DEPDC5: variants seen among roughly 807,000 people sequenced by gnomAD.
DEPDC5 encodes the protein DEP domain containing 5, GATOR1 subcomplex subunit.
DEPDC5 carries 73 observed loss-of-function variants against 217.3 expected under a neutral mutation model. That is an observed-to-expected ratio of 0.34 (90% CI 0.28 to 0.41). The LOEUF is 0.41. Ranked by LOEUF, DEPDC5 falls within the 10% of genes least tolerant of loss-of-function variation. DEPDC5 has a pLI of 1.00. For synonymous variants in DEPDC5, 733 were observed against 756.7 expected, an observed-to-expected ratio of 0.97 and a Z score of 0.51; for missense variants, 1,675 against 2,070.1, an observed-to-expected ratio of 0.81 and a Z score of 3.70.
chr22:31,876,629 C>G (rs1303137302), intron 37 of DEPDC5, among the ~76,000 whole-genome samples: 1 of 152,132 alleles, frequency 6.6e-6, no homozygotes, highest in Non-Finnish European at 1.5e-5. Context: ...GGGCTCCAGT[C>G]TGTGATTTAT....
chr22:31,818,189 G>A (rs981545814), intron 21 of DEPDC5, among the ~76,000 whole-genome samples: 2 of 152,158 alleles, frequency 1.3e-5, no homozygotes, highest in African/African-American at 4.8e-5. Context: ...CTACCATTGC[G>A]CCAGACAGGT....
At chr22:31,843,246 T>C in intron 28 of DEPDC5, 34 bp downstream of exon 28, 1 of 1,592,322 alleles carries the variant, frequency 6.3e-7, no homozygotes, top group South Asian at 1.1e-5. Context: ...CTTCAGTTAT[T>C]GTCCTGAATT....
chr22:31,874,179 T>C (rs1248084507), intron 35 of DEPDC5, 94 bp from the exon 36 acceptor site: 2 of 1,506,468 alleles, frequency 1.3e-6, no homozygotes, highest in African/African-American at 2.8e-5. Flanking sequence ...TATTAAATGC[T>C]CTAGTGGGAG....
chr22:31,764,942 T>C (rs905325395), intron 4 of DEPDC5, 33 bp from the exon 5 acceptor site: 19 of 1,539,286 alleles, frequency 1.2e-5, no homozygotes, highest in Admixed American at 5.0e-5. Flanking sequence ...TTTCAAAATA[T>C]GTTATCTGAG....
At chr22:31,902,499 T>A (rs2093669766) in intron 41 of DEPDC5, among the ~76,000 whole-genome samples, 1 of 150,080 alleles carries the variant, frequency 6.7e-6, no homozygotes, top group African/African-American at 2.4e-5. Context: ...GGCCCCAGCT[T>A]ACCTTAGACC....
At chr22:31,881,374 T>C (rs2093171725) in intron 38 of DEPDC5, among the ~76,000 whole-genome samples, 1 of 151,986 alleles carries the variant, frequency 6.6e-6, no homozygotes, top group African/African-American at 2.4e-5. Flanking sequence ...TGTTGCTGTG[T>C]GTGAGAAGTG....
At chr22:31,865,763 T>G (rs775524656) in intron 33 of DEPDC5, among the ~76,000 whole-genome samples, 2 of 152,208 alleles carry the variant, frequency 1.3e-5, no homozygotes, top group Non-Finnish European at 2.9e-5. Context: ...AGGTTTTAAT[T>G]TGGGATAATA....
At chr22:31,837,918 G>T (rs1602305803) in intron 26 of DEPDC5, among the ~76,000 whole-genome samples, 1 of 151,962 alleles carries the variant, frequency 6.6e-6, no homozygotes, top group Non-Finnish European at 1.5e-5. Context: ...GGCCAGGCTG[G>T]TCTCGAACTC....
chr22:31,840,230 G>A (rs1201181439), intron 27 of DEPDC5, among the ~76,000 whole-genome samples: 1 of 152,168 alleles, frequency 6.6e-6, no homozygotes, highest in African/African-American at 2.4e-5. Context: ...TGAGGTTTGA[G>A]ATTAGACCCA....
At chr22:31,882,095 C>G (rs1417275182) in intron 38 of DEPDC5, among the ~76,000 whole-genome samples, 1 of 152,022 alleles carries the variant, frequency 6.6e-6, no homozygotes, top group Non-Finnish European at 1.5e-5. Context: ...AACACAAGAA[C>G]TTGATAAGTA....
chr22:31,829,357 C>T (rs1008566537), intron 24 of DEPDC5, among the ~76,000 whole-genome samples: 9 of 152,144 alleles, frequency 5.9e-5, no homozygotes, highest in African/African-American at 1.9e-4. Context: ...CATGTTGAAA[C>T]CCCGCCTCTA....
intron 20 of DEPDC5, among the ~76,000 whole-genome samples, chr22:31,811,563 T>G (rs1283852074): frequency 6.6e-6 from 1 of 151,894 alleles, no homozygotes; most frequent in Non-Finnish European, 1.5e-5. Flanking sequence ...GTTTTTTTTT[T>G]TTTTGAGACA....
At chr22:31,814,858 C>A in intron 20 of DEPDC5, 134 bp from the exon 21 acceptor site, 1 of 863,806 alleles carries the variant, frequency 1.2e-6, no homozygotes, top group Non-Finnish European at 1.8e-6. Flanking sequence ...ATACAGGTTT[C>A]CCACTTGTAG....
intron 20 of DEPDC5, among the ~76,000 whole-genome samples, chr22:31,812,384 T>A (rs796510776): frequency 2.2e-4 from 34 of 151,760 alleles, no homozygotes; most frequent in Middle Eastern, 3.4e-3. Flanking sequence ...TTTTTTTCCC[T>A]GTGTACCAAA....
chr22:31,906,103 A>G lies in DEPDC5; in HGVS notation c.4519+37A>G. 3 of 1,613,754 alleles carry G rather than the reference A, an allele frequency of 1.9e-6. No homozygotes were observed. Among genetic ancestry groups the G allele is most frequent in the Non-Finnish European group, 2.5e-6 (3 of 1,179,764 alleles). On this transcript the variant is annotated intron_variant, in intron 42 of 42. Coordinates refer to ENST00000651528, the MANE Select transcript of DEPDC5 (RefSeq NM_001242896.3). The surrounding 1 kb of genome is among the most constrained non-coding windows in gnomAD (Gnocchi z 5.1). ...CGGGCAGAGTTGGGCAGGTGGGTCCACATCCCTTTCCTTGCACCAAGCCTA... is the reference window on the plus strand; with the variant it reads ...CGGGCAGAGTTGGGCAGGTGGGTCCGCATCCCTTTCCTTGCACCAAGCCTA...
chr22:31,897,243 A>G (rs1459832127), intron 39 of DEPDC5, among the ~76,000 whole-genome samples: 1 of 152,262 alleles, frequency 6.6e-6, no homozygotes, highest in Non-Finnish European at 1.5e-5. Flanking sequence ...CCGAAGGTGC[A>G]GAAGTTTGGG....
At chr22:31,853,030 T>C (rs2092113884) in intron 31 of DEPDC5, 1 of 152,056 alleles carries the variant, frequency 6.6e-6, no homozygotes, top group African/African-American at 2.4e-5. Flanking sequence ...CTGGGATAGG[T>C]TGGGTTTGTT....
chr22:31,863,676 A>G (rs1000510751), intron 33 of DEPDC5, among the ~76,000 whole-genome samples: 1 of 152,334 alleles, frequency 6.6e-6, no homozygotes, highest in East Asian at 1.9e-4. Context: ...TAAAAAAATT[A>G]TATTAGGAGG....
chr22:31,846,407 T>C (rs778569187), intron 30 of DEPDC5, among the ~76,000 whole-genome samples: 1 of 152,184 alleles, frequency 6.6e-6, no homozygotes, highest in African/African-American at 2.4e-5. Flanking sequence ...AGCTGCCTTA[T>C]GTACACAACA....
Sources: allele counts gnomAD v4.1 joint callset (sites outside exome capture counted in the v4.1 genomes callset), GRCh38; gene constraint gnomAD v4.1.1; non-coding constraint Gnocchi (gnomAD v3.1); transcripts MANE v1.5; gene names NCBI Gene and HGNC (gene_info 2026-07-23, HGNC 2026-07-21).